The following KCNU1 variants were observed in gnomAD, a reference collection of about 807,000 sequenced individuals.
The protein encoded by KCNU1 is potassium channel subfamily U member 1.
A neutral mutation model predicts 126.8 loss-of-function variants in KCNU1; 93 were observed. The ratio of observed to expected loss-of-function variants is 0.73; its 90% CI spans 0.62 to 0.87. The LOEUF (loss-of-function observed/expected upper bound fraction) is 0.87, where lower values mean the gene tolerates loss of function less well. KCNU1 is among the 40% of genes least tolerant of loss of function. KCNU1 has a pLI of 0.00. For synonymous variants in KCNU1, 523 were observed against 494.2 expected (o/e 1.06, Z -0.77); for missense variants, 1,330 against 1,367.1 (o/e 0.97, Z 0.43).
intron 19 of KCNU1, among the ~76,000 whole-genome samples, chr8:36,876,160 G>C (rs925439624): frequency 6.6e-6 from 1 of 151,992 alleles, no homozygotes; most frequent in African/African-American, 2.4e-5. Context: ...CAAACTAATC[G>C]ATTTCCATCA....
chr8:36,807,230 T>C (rs949834793), intron 5 of KCNU1, 145 bp from the exon 6 acceptor site: 1 of 645,498 alleles, frequency 1.5e-6, no homozygotes. Flanking sequence ...CTACAGCTTA[T>C]GCTGTTAAGC....
chr8:36,794,686 C>T (rs890389257), intron 2 of KCNU1, among the ~76,000 whole-genome samples: 1 of 151,980 alleles, frequency 6.6e-6, no homozygotes, highest in Non-Finnish European at 1.5e-5. Flanking sequence ...ACTTTGGGAG[C>T]CTGAGGCAGT....
intron 21 of KCNU1, among the ~76,000 whole-genome samples, chr8:36,910,415 A>G (rs550408987): frequency 6.6e-6 from 1 of 152,134 alleles, no homozygotes; most frequent in Non-Finnish European, 1.5e-5. Context: ...AGGAATTACC[A>G]CTATATTAGA....
intron 9 of KCNU1, 35 bp downstream of exon 9, chr8:36,815,722 A>G: frequency 8.2e-7 from 1 of 1,222,652 alleles, no homozygotes; most frequent in Non-Finnish European, 1.2e-6. Flanking sequence ...TCTACAGTTT[A>G]AGAAATTCTA....
At position 36,815,672 on chromosome 8, in the gene KCNU1, C is replaced by A; in HGVS notation, c.980C>A (p.Ala327Glu). Reference protein sequence around the residue: ...NKRKYTSSYEALKGKKFIVVC... With the variant: ...NKRKYTSSYEELKGKKFIVVC... The stretch of plus-strand genomic sequence containing the variant: ...AGGAAATACACCAGTTCCTATGAAG[C>A]ACTCAAAGGAAAGAAGTAAGTAGTG... The change falls in exon 9 of 27, where the codon GCA (alanine) becomes GAA (glutamate). Residue 327 changes from alanine (A) to glutamate (E), a missense_variant. Physicochemically the swap from Ala to Glu is moderately radical, Grantham distance 107. Around this residue, in one of 3 missense-constraint regions of KCNU1, gnomAD observed 1,054 missense variants for 1,053.9 expected, o/e 1.00. Transcript: ENST00000399881. The A allele has an allele frequency of 6.4e-7, 1 of 1,569,426 alleles. No homozygotes were observed. Among genetic ancestry groups the A allele is most frequent in the Non-Finnish European group, 8.7e-7 (1 of 1,148,174 alleles).
At chr8:36,854,645 A>G (rs1192517303) in intron 18 of KCNU1, among the ~76,000 whole-genome samples, 1 of 152,080 alleles carries the variant, frequency 6.6e-6, no homozygotes, top group Non-Finnish European at 1.5e-5. Context: ...TTATTTATAT[A>G]TAGGTTTTTA....
intron 10 of KCNU1, among the ~76,000 whole-genome samples, chr8:36,826,946 T>C (rs1391322785): frequency 2.0e-5 from 3 of 152,228 alleles, no homozygotes; most frequent in Non-Finnish European, 2.9e-5. Flanking sequence ...ATAAATATAC[T>C]GTAGCTAGTT....
chr8:36,838,105 C>T (rs1464997529), intron 14 of KCNU1, among the ~76,000 whole-genome samples: 1 of 152,156 alleles, frequency 6.6e-6, no homozygotes, highest in Admixed American at 6.6e-5. Flanking sequence ...AAATGGTAGT[C>T]AGGGTGGAGG....
At chr8:36,797,131 A>G (rs1400858849) in intron 2 of KCNU1, among the ~76,000 whole-genome samples, 2 of 152,138 alleles carry the variant, frequency 1.3e-5, no homozygotes, top group Non-Finnish European at 2.9e-5. Flanking sequence ...ACTTCCTAGT[A>G]TGTAATCTTG....
chr8:36,873,065 G>A (rs1806159140), intron 19 of KCNU1, among the ~76,000 whole-genome samples: 1 of 152,092 alleles, frequency 6.6e-6, no homozygotes, highest in African/African-American at 2.4e-5. Flanking sequence ...GGCAACAAGA[G>A]CGAAATTCCA....
intron 20 of KCNU1, among the ~76,000 whole-genome samples, chr8:36,906,376 A>T (rs749248605): frequency 3.9e-5 from 6 of 152,072 alleles, no homozygotes; most frequent in Non-Finnish European, 8.8e-5. Flanking sequence ...CTCTCTTCTC[A>T]AAGAGACAAA....
intron 18 of KCNU1, 66 bp from the exon 19 acceptor site, chr8:36,864,338 G>A (rs1585479013): frequency 2.0e-6 from 2 of 1,006,298 alleles, no homozygotes; most frequent in Admixed American, 3.4e-5. Context: ...CTCAGCCAAG[G>A]GGAATATTCC....
chr8:36,907,171 T>A (rs1405250697), intron 20 of KCNU1, among the ~76,000 whole-genome samples: 1 of 152,144 alleles, frequency 6.6e-6, no homozygotes, highest in Non-Finnish European at 1.5e-5. Context: ...AGGAAAGAAA[T>A]ATCTGGATTG....
At chr8:36,791,216 T>C (rs1328205916) in intron 2 of KCNU1, among the ~76,000 whole-genome samples, 2 of 152,154 alleles carry the variant, frequency 1.3e-5, no homozygotes, top group Non-Finnish European at 2.9e-5. Context: ...GTGTGTTATA[T>C]CAACTACCTG....
intron 10 of KCNU1, among the ~76,000 whole-genome samples, chr8:36,831,875 G>A (rs2130538731): frequency 6.6e-6 from 1 of 151,944 alleles, no homozygotes; most frequent in East Asian, 1.9e-4. Flanking sequence ...TTTTCTTCTA[G>A]GGTTTTTATG....
chr8:36,918,845 T>C lies in KCNU1; in HGVS notation c.2544T>C (p.Asn848=). The part of the protein sequence containing the change: ...SVSEETPGYT[N]GHNEKSNCRK... ...CAGAGGAGACTCCAGGTTACACAAA[T>C]GGACATAATGAGAAATCAAACTGCC... The change falls in exon 23 of 27, where the codon AAT becomes AAC. Residue 848 remains asparagine (N), a synonymous_variant. Coordinates refer to ENST00000399881, the MANE Select transcript of KCNU1 (RefSeq NM_001031836.3). The C allele has an allele frequency of 6.2e-7, 1 of 1,608,628 alleles. No individual in the cohort carries two copies.
chr8:36,842,454 C>T (rs765768064), intron 16 of KCNU1, among the ~76,000 whole-genome samples: 47 of 152,270 alleles, frequency 3.1e-4, no homozygotes, highest in Middle Eastern at 3.4e-3. Context: ...TTTAAAAATC[C>T]TGCTGTGCTC....
At chr8:36,837,536 C>T (rs1042737734) in intron 14 of KCNU1, among the ~76,000 whole-genome samples, 3 of 152,144 alleles carry the variant, frequency 2.0e-5, no homozygotes, top group Non-Finnish European at 4.4e-5. Context: ...AGCTAACTAA[C>T]TTGATCATGC....
chr8:36,934,077 TGAGA>T (rs1808782731), intron 26 of KCNU1, among the ~76,000 whole-genome samples: 1 of 151,208 alleles, frequency 6.6e-6, no homozygotes, highest in South Asian at 2.1e-4. Flanking sequence ...GTTAAGGGAG[TGAGA>T]GAGAAAGTAT....
Sources: gnomAD v4.1 joint callset for allele counts (sites outside exome capture counted in the v4.1 genomes callset) on GRCh38, gnomAD v4.1.1 for gene constraint, gnomAD v4.1.1 regional missense constraint, MANE v1.5 for transcripts, NCBI Gene and HGNC (gene_info 2026-07-23, HGNC 2026-07-21) for gene names.